The following CHRM5 variants were observed in gnomAD, a reference collection of about 807,000 sequenced individuals.
CHRM5 encodes muscarinic acetylcholine receptor M5.
In CHRM5, 18 loss-of-function variants were observed where a neutral mutation model predicts 39.0. That is an observed-to-expected ratio of 0.46 (90% CI 0.32 to 0.68). The LOEUF (loss-of-function observed/expected upper bound fraction) is 0.68. CHRM5 is among the 30% of genes least tolerant of loss of function. The pLI, the probability that CHRM5 is intolerant of heterozygous loss-of-function variation, is 0.04. For synonymous variants in CHRM5, 241 were observed against 246.3 expected, an observed-to-expected ratio of 0.98 and a Z score of 0.20; for missense variants, 515 against 651.1, an observed-to-expected ratio of 0.79 and a Z score of 2.28.
chr15:34,008,125 G>A (rs781752390), intron 1 of CHRM5, among the ~76,000 whole-genome samples: 9 of 151,956 alleles, frequency 5.9e-5, no homozygotes, highest in Non-Finnish European at 8.8e-5. Context: ...AAAAATAGTC[G>A]AAAATAATGG....
intron 1 of CHRM5, among the ~76,000 whole-genome samples, chr15:33,997,984 A>G (rs1310983033): frequency 2.0e-5 from 3 of 152,104 alleles, no homozygotes; most frequent in Admixed American, 6.5e-5. Context: ...ATACTTTCCC[A>G]CTTCCTTGAC....
chr15:33,996,679 C>T (rs893994312), intron 1 of CHRM5, among the ~76,000 whole-genome samples: 2 of 152,146 alleles, frequency 1.3e-5, no homozygotes, highest in African/African-American at 4.8e-5. Flanking sequence ...AAAGGACATC[C>T]ACACCAAAAC....
chr15:33,969,285 C>T (rs548164542), intron 1 of CHRM5, 135 bp downstream of exon 1: 4 of 152,010 alleles, frequency 2.6e-5, no homozygotes, highest in South Asian at 4.2e-4. Context: ...CTGAGGTAAA[C>T]GCTTGTTTTT....
chr15:33,971,691 ATAACTT>A (rs1895645922), intron 1 of CHRM5, among the ~76,000 whole-genome samples: 1 of 152,098 alleles, frequency 6.6e-6, no homozygotes, highest in Admixed American at 6.5e-5. Flanking sequence ...CTTCATTATT[ATAACTT>A]TAAGTTTTCA....
chr15:33,995,787 G>A (rs1167209044), intron 1 of CHRM5, among the ~76,000 whole-genome samples: 1 of 152,222 alleles, frequency 6.6e-6, no homozygotes, highest in Middle Eastern at 3.2e-3. Context: ...AGTGATTTCT[G>A]CATTTCCAAC....
intron 1 of CHRM5, among the ~76,000 whole-genome samples, chr15:34,045,257 G>A (rs1327799992): frequency 1.3e-5 from 2 of 152,132 alleles, no homozygotes; most frequent in African/African-American, 4.8e-5. Flanking sequence ...CACAAAGTAT[G>A]TTCTAAAGAA....
chr15:33,985,213 G>A (rs1437018283), intron 1 of CHRM5, among the ~76,000 whole-genome samples: 2 of 151,946 alleles, frequency 1.3e-5, no homozygotes, highest in African/African-American at 4.8e-5. Context: ...CAGAAGACAT[G>A]AGACACCTGG....
At chr15:34,020,297 C>T (rs867128838) in intron 1 of CHRM5, among the ~76,000 whole-genome samples, 3 of 145,462 alleles carry the variant, frequency 2.1e-5, no homozygotes, top group African/African-American at 2.5e-5. Flanking sequence ...GGTGACCGAG[C>T]GAGACTCCAT....
At chr15:34,054,917 G>A (rs1410569061) in intron 2 of CHRM5, among the ~76,000 whole-genome samples, 2 of 152,214 alleles carry the variant, frequency 1.3e-5, no homozygotes, top group African/African-American at 4.8e-5. Flanking sequence ...AATAAGCTGG[G>A]TGCGGTGGCT....
intron 1 of CHRM5, among the ~76,000 whole-genome samples, chr15:33,977,361 A>G (rs745411720): frequency 6.6e-6 from 1 of 152,226 alleles, no homozygotes; most frequent in Non-Finnish European, 1.5e-5. Context: ...GATGAGACAG[A>G]TTCAAAACAA....
chr15:34,047,110 T>C (rs1367878087), intron 2 of CHRM5, among the ~76,000 whole-genome samples: 8 of 151,454 alleles, frequency 5.3e-5, no homozygotes, highest in Non-Finnish European at 1.0e-4. Flanking sequence ...CGGAGTCTCG[T>C]TCTGTCGCCC....
intron 2 of CHRM5, among the ~76,000 whole-genome samples, chr15:34,062,399 C>CA (rs931043658): frequency 1.7e-4 from 26 of 151,656 alleles, no homozygotes; most frequent in Non-Finnish European, 3.4e-4. Flanking sequence ...ACTAAAAATA[C>CA]AAAAAAATAG....
chr15:34,024,860 C>CA (rs34957149), intron 1 of CHRM5, among the ~76,000 whole-genome samples: 94,125 of 145,784 alleles, frequency 0.65, 35,197 homozygotes, highest in Non-Finnish European at 0.84. Context: ...GACTCCTTCT[C>CA]AAAAAAAAAA....
rs1261051274 is a variant in CHRM5, at chr15:34,050,042, C to T, written c.-76+3171C>T. ...AGCTGGGACTACAGGCACCTGCCAC[C>T]ATGCCTGGCTAATTTTTGTATTTTT... is the stretch of plus-strand genomic sequence containing the variant. On this transcript the variant is annotated intron_variant, in intron 2 of 2. Coordinates refer to ENST00000383263, the MANE Select transcript of CHRM5 (RefSeq NM_012125.4). Among the ~76,000 whole-genome samples, 4 of 152,104 alleles carry T rather than the reference C, an allele frequency of 2.6e-5. No individual in the cohort carries two copies. In the South Asian group the frequency reaches 6.2e-4, roughly 24 times the overall value.
At chr15:34,038,732 T>C (rs1899292828) in intron 1 of CHRM5, 22 of 1,131,778 alleles carry the variant, frequency 1.9e-5, no homozygotes, top group Non-Finnish European at 2.3e-5. Context: ...TCGGCCCCAC[T>C]TGCCCCAGTT....
intron 1 of CHRM5, among the ~76,000 whole-genome samples, chr15:34,017,575 G>C (rs1429775457): frequency 7.6e-5 from 11 of 145,196 alleles, no homozygotes; most frequent in African/African-American, 5.1e-5. Context: ...CCATCTCCCA[G>C]TTCAAGCAAT....
chr15:34,038,834 G>C (rs1899304576), intron 1 of CHRM5: 4 of 1,189,044 alleles, frequency 3.4e-6, no homozygotes, highest in Non-Finnish European at 4.2e-6. Flanking sequence ...TGCCTCGCGG[G>C]GCGCCTCCTC....
chr15:34,063,607 C>G lies in CHRM5; in HGVS notation c.890C>G (p.Ala297Gly), dbSNP rs1900423773. 6.2e-7 allele frequency: 1 copy of G among 1,613,852 alleles called. No individual in the cohort carries two copies. The highest frequency in any genetic ancestry group is 1.7e-5 in the Admixed American group (1 of 60,010). ...ATGPSANWAK[A>G]EQLTTCSSYP... ...GGCCCAAGCGCCAATTGGGCCAAAGCTGAGCAGCTCACCACCTGTAGCAGC... is the reference window on the plus strand; with the variant it reads ...GGCCCAAGCGCCAATTGGGCCAAAGGTGAGCAGCTCACCACCTGTAGCAGC... Residue 297 changes from alanine (A) to glycine (G), a missense_variant, in exon 3 of 3, where the codon GCT becomes GGT. Physicochemically the swap from Ala to Gly is moderately conservative, Grantham distance 60 (BLOSUM62 0). Transcript: ENST00000383263. This position sits in a 1 kb window ranked among gnomAD's most constrained non-coding sequence, Gnocchi z 4.1.
chr15:33,970,900 A>T (rs1435776891), intron 1 of CHRM5, among the ~76,000 whole-genome samples: 1 of 151,918 alleles, frequency 6.6e-6, no homozygotes, highest in African/African-American at 2.4e-5. Flanking sequence ...CTCCACCCCA[A>T]TTTGGTCCTT....
Sources: gnomAD v4.1 joint callset for allele counts (sites outside exome capture counted in the v4.1 genomes callset) on GRCh38, gnomAD v4.1.1 for gene constraint, Gnocchi (gnomAD v3.1) non-coding constraint, MANE v1.5 for transcripts, NCBI Gene and HGNC (gene_info 2026-07-23, HGNC 2026-07-21) for gene names.